The following PRRC1 variants were observed in gnomAD, a reference collection of about 807,000 sequenced individuals.
PRRC1 encodes the protein proline rich coiled-coil 1, also known as protein PRRC1.
In PRRC1, 39 loss-of-function variants were observed where a neutral mutation model predicts 40.7. The ratio of observed to expected loss-of-function variants is 0.96; its 90% CI spans 0.74 to 1.25. The LOEUF (loss-of-function observed/expected upper bound fraction) is 1.25, where lower values mean the gene tolerates loss of function less well. PRRC1 is among the 50% of genes most tolerant of loss of function. The pLI is 0.00. For missense variants in PRRC1, 573 were observed against 548.3 expected (o/e 1.05, Z -0.45); for synonymous variants, 175 against 193.3 (o/e 0.91, Z 0.79).
At chr5:127,519,426 T>C (rs1423252050) in intron 1 of PRRC1, among the ~76,000 whole-genome samples, 1 of 152,218 alleles carries the variant, frequency 6.6e-6, no homozygotes, top group Admixed American at 6.5e-5. Flanking sequence ...TACACTGGAA[T>C]CTTTCTCCAC....
At chr5:127,538,459 A>G (rs139296730) in intron 6 of PRRC1, among the ~76,000 whole-genome samples, 5 of 152,180 alleles carry the variant, frequency 3.3e-5, no homozygotes, top group East Asian at 1.9e-4. Flanking sequence ...TTAGTTTTCT[A>G]TTACATATAA....
intron 6 of PRRC1, among the ~76,000 whole-genome samples, chr5:127,536,155 T>A (rs937521748): frequency 6.6e-6 from 1 of 152,138 alleles, no homozygotes; most frequent in Non-Finnish European, 1.5e-5. Flanking sequence ...TTTGAAATGC[T>A]TCTTTTCTCT....
chr5:127,523,039 C>T (rs1767500889), intron 1 of PRRC1, among the ~76,000 whole-genome samples: 1 of 152,016 alleles, frequency 6.6e-6, no homozygotes, highest in African/African-American at 2.4e-5. Flanking sequence ...GTCTACAACT[C>T]CTAGCCTCAA....
chr5:127,517,816 G>GTGGCA (rs1038248720), intron 1 of PRRC1, 40 bp downstream of exon 1: 2 of 152,540 alleles, frequency 1.3e-5, no homozygotes, highest in Non-Finnish European at 2.9e-5. Flanking sequence ...TATGAGGGGG[G>GTGGCA]TGGCATGGCA....
rs1288554519 is a variant in PRRC1, at chr5:127,554,479, A to T, written c.*2563A>T. On this transcript the variant is annotated 3_prime_UTR_variant, in exon 9 of 9. Coordinates refer to ENST00000296666, the MANE Select transcript of PRRC1 (RefSeq NM_130809.5). ...CACAATATTTAATTAGTGTGAAAGG[A>T]AACAAAGAATGCAGGAAAAATAATT... The T allele has an allele frequency of 6.7e-6, 1 of 149,158 alleles. No homozygotes were observed. The highest frequency in any genetic ancestry group is 2.5e-5 in the African/African-American group (1 of 40,466). The allele number at this position is 149,158 out of a possible 1,614,324, so 9.2% of individuals were successfully genotyped here.
intron 6 of PRRC1, among the ~76,000 whole-genome samples, chr5:127,535,222 C>A (rs1177442352): frequency 2.0e-5 from 3 of 152,160 alleles, no homozygotes; most frequent in Admixed American, 6.5e-5. Context: ...TAATATTGAA[C>A]TCTCACAGTC....
rs773576635 is a variant in PRRC1 at position 127,524,693 on chromosome 5, C to G, written c.266C>G (p.Ser89Cys). Residue 89 changes from serine (S) to cysteine (C), a missense_variant, in exon 3 of 9, where the codon TCT becomes TGT. Physicochemically the swap from Ser to Cys is moderately radical, Grantham distance 112. Transcript: ENST00000296666. ...CCTTCTGTCCCACCACTTGTTACTT[C>G]TATGCCACCTCCTGTTTCTCCATCA... ...AVPSVPPLVTSMPPPVSPSTA... is the reference protein window; with the variant it reads ...AVPSVPPLVTCMPPPVSPSTA... 6.2e-7 allele frequency: 1 copy of G among 1,614,194 alleles called. No homozygotes were observed. The highest frequency in any genetic ancestry group is 8.5e-7 in the Non-Finnish European group (1 of 1,180,034).
intron 6 of PRRC1, among the ~76,000 whole-genome samples, chr5:127,538,395 A>C (rs544825318): frequency 6.6e-6 from 1 of 152,174 alleles, no homozygotes; most frequent in East Asian, 1.9e-4. Flanking sequence ...CCTTTTATGA[A>C]AGGATTCAGA....
chr5:127,542,166 C>T (rs1264455444), intron 7 of PRRC1, among the ~76,000 whole-genome samples: 2 of 152,154 alleles, frequency 1.3e-5, no homozygotes, highest in Non-Finnish European at 2.9e-5. Context: ...TGTTCAGTTT[C>T]CACGTAGTTG....
intron 4 of PRRC1, among the ~76,000 whole-genome samples, chr5:127,529,259 G>T (rs1767702816): frequency 4.0e-5 from 6 of 151,790 alleles, no homozygotes; most frequent in Admixed American, 3.9e-4. Context: ...AAAATTGGTA[G>T]ATGATTGGCT....
chr5:127,542,604 A>C (rs879183371), intron 7 of PRRC1, among the ~76,000 whole-genome samples: 640 of 133,430 alleles, frequency 4.8e-3, no homozygotes, highest in South Asian at 7.1e-3. Flanking sequence ...CTTCTTGTTG[A>C]ATTGATCCCT....
At chr5:127,536,731 A>G (rs1206295991) in intron 6 of PRRC1, among the ~76,000 whole-genome samples, 1 of 152,008 alleles carries the variant, frequency 6.6e-6, no homozygotes, top group African/African-American at 2.4e-5. Flanking sequence ...CATTTGACAG[A>G]TTATTTTTGC....
chr5:127,519,565 G>A (rs1767404979), intron 1 of PRRC1, among the ~76,000 whole-genome samples: 1 of 151,408 alleles, frequency 6.6e-6, no homozygotes, highest in South Asian at 2.1e-4. Context: ...GCGAAACTCT[G>A]GCTTTTGGAC....
At position 127,544,290 on chromosome 5, in the gene PRRC1, G is replaced by A. The variant is rs559327986; in HGVS notation, c.1026-3529G>A. Among the ~76,000 whole-genome samples the A allele has an allele frequency of 7.2e-5, 11 of 152,328 alleles. No individual in the cohort carries two copies. In the South Asian group the frequency reaches 1.9e-3, roughly 26 times the overall value. On this transcript the variant is annotated intron_variant, in intron 7 of 8. Coordinates refer to ENST00000296666, the MANE Select transcript of PRRC1 (RefSeq NM_130809.5). ...TGTGAGGTGTCAGTCTGACCTTACT[G>A]GGGGGTGCCTCCCAGTTAGGCTGCT...
intron 6 of PRRC1, among the ~76,000 whole-genome samples, chr5:127,535,263 C>T (rs531207107): frequency 6.6e-6 from 1 of 152,294 alleles, no homozygotes; most frequent in East Asian, 1.9e-4. Flanking sequence ...TTGAATGCAG[C>T]TTATTTAACA....
intron 7 of PRRC1, among the ~76,000 whole-genome samples, chr5:127,546,874 AAAAT>A (rs1768237718): frequency 6.6e-6 from 1 of 152,184 alleles, no homozygotes; most frequent in Admixed American, 6.5e-5. Context: ...TCTACCAAAT[AAAAT>A]AAATGTCATT....
chr5:127,554,369 G>C lies in PRRC1; in HGVS notation c.*2453G>C, dbSNP rs1173960682. The C allele has an allele frequency of 2.6e-5, 4 of 151,820 alleles. No individual in the cohort carries two copies. Among genetic ancestry groups the C allele is most frequent in the Admixed American group, 2.6e-4 (4 of 15,232 alleles). The allele number at this position is 151,820 out of a possible 1,614,324, so 9.4% of individuals were successfully genotyped here. On this transcript the variant is annotated 3_prime_UTR_variant, in exon 9 of 9. Transcript: ENST00000296666. ...TCTTCACCACTGTTGGGGTTGTTTT[G>C]TGATTTTTTTTTTCTTCCGAAGAAC...
At chr5:127,521,443 A>T (rs1238853400) in intron 1 of PRRC1, among the ~76,000 whole-genome samples, 1 of 152,190 alleles carries the variant, frequency 6.6e-6, no homozygotes, top group African/African-American at 2.4e-5. Flanking sequence ...ACCCTAGCCA[A>T]TGGGGGAAAG....
chr5:127,536,339 A>T (rs1337920593), intron 6 of PRRC1, among the ~76,000 whole-genome samples: 1 of 152,096 alleles, frequency 6.6e-6, no homozygotes, highest in African/African-American at 2.4e-5. Flanking sequence ...GTATGTATAC[A>T]TGATAATTGT....
Sources: allele counts gnomAD v4.1 joint callset (sites outside exome capture counted in the v4.1 genomes callset), GRCh38; gene constraint gnomAD v4.1.1; transcripts MANE v1.5; gene names NCBI Gene and HGNC (gene_info 2026-07-23, HGNC 2026-07-21).